Variants in DNAH11 observed in about 807,000 individuals in gnomAD.
The protein encoded by DNAH11 is axonemal beta dynein heavy chain 11.
A neutral mutation model predicts 526.0 loss-of-function variants in DNAH11; 442 were observed. That is an observed-to-expected ratio of 0.84 (90% CI 0.78 to 0.91). DNAH11 has a LOEUF of 0.91. Ranked by LOEUF, DNAH11 falls within the 40% of genes least tolerant of loss-of-function variation. The pLI is 0.00. For synonymous variants in DNAH11, 2,461 were observed against 1,935.9 expected (o/e 1.27, Z -7.12); for missense variants, 6,989 against 5,448.7 (o/e 1.28, Z -8.90).
In DNAH11 at chr7:21,581,811, G is replaced by A. The variant is rs1784317673; in HGVS notation, c.1594-94G>A. The A allele has an allele frequency of 6.7e-6, 5 of 751,426 alleles. No homozygotes were observed. In the South Asian group the frequency reaches 6.8e-5, roughly 10 times the overall value. The allele number at this position is 751,426 out of a possible 1,614,324, so 46.5% of individuals were successfully genotyped here. A position where few individuals can be genotyped will look rare whatever the true frequency, so the allele number is the denominator to read the frequency against. ...ATTCACTCAGAGACAGAGAGCGAGC[G>A]AGAGAGAGCTAAAGTAAGGTCACGC... On this transcript the variant is annotated intron_variant, in intron 8 of 81. Coordinates refer to ENST00000409508, the MANE Select transcript of DNAH11 (RefSeq NM_001277115.2).
intron 25 of DNAH11, among the ~76,000 whole-genome samples, chr7:21,630,589 G>C (rs1786557928): frequency 6.6e-6 from 1 of 152,204 alleles, no homozygotes; most frequent in African/African-American, 2.4e-5. Flanking sequence ...GCTGGACACA[G>C]TATTCTTGGT....
chr7:21,578,671 C>T (rs965426712), intron 8 of DNAH11, among the ~76,000 whole-genome samples: 10 of 152,216 alleles, frequency 6.6e-5, no homozygotes, highest in African/African-American at 2.4e-4. Context: ...TCCATGAGAG[C>T]TGTGCTCCTG....
intron 66 of DNAH11, among the ~76,000 whole-genome samples, chr7:21,845,342 T>C (rs1782379006): frequency 6.6e-6 from 1 of 152,210 alleles, no homozygotes; most frequent in Non-Finnish European, 1.5e-5. Flanking sequence ...GTAGTTTTGG[T>C]TCTTACATTT....
intron 43 of DNAH11, among the ~76,000 whole-genome samples, chr7:21,718,963 T>C (rs1392347329): frequency 6.6e-6 from 1 of 152,246 alleles, no homozygotes; most frequent in Non-Finnish European, 1.5e-5. Context: ...TCATTATGAA[T>C]TAATTATGTA....
intron 66 of DNAH11, among the ~76,000 whole-genome samples, chr7:21,848,840 C>T (rs866133574): frequency 1.3e-5 from 2 of 151,918 alleles, no homozygotes; most frequent in South Asian, 2.1e-4. Context: ...TTAGTGGTTA[C>T]CTTAGCATTT....
Position 21,614,725 on chromosome 7 carries a change from T to C in DNAH11, c.3853-389T>C, listed in dbSNP as rs186364797. On this transcript the variant is annotated intron_variant, in intron 20 of 81. Coordinates refer to ENST00000409508, the MANE Select transcript of DNAH11 (RefSeq NM_001277115.2). ...TTTAAATCTGAAAGTTTTAATAAAC[T>C]AAGTCATTACTTAAAATATAATTCA... 2.6e-5 allele frequency among the ~76,000 whole-genome samples: 4 copies of C among 152,346 alleles called. No homozygotes were observed. The East Asian group carries it at 5.8e-4, about 22-fold the overall frequency.
chr7:21,901,438 G>A lies in DNAH11; in HGVS notation c.*184G>A, dbSNP rs1480554886. 1.3e-6 allele frequency: 1 copy of A among 791,238 alleles called. No homozygotes were observed. The highest frequency in any genetic ancestry group is 1.8e-6 in the Non-Finnish European group (1 of 570,318). 49.0% of individuals were successfully genotyped at this position (791,238 alleles called of 1,614,324 possible). ...TAGAAACTAACTCAGGGCTGAGCGTGGTGGCACACGACTGTAATCCCAGTT... is the reference window on the plus strand; with the variant it reads ...TAGAAACTAACTCAGGGCTGAGCGTAGTGGCACACGACTGTAATCCCAGTT... On this transcript the variant is annotated 3_prime_UTR_variant, in exon 82 of 82. Coordinates refer to ENST00000409508, the MANE Select transcript of DNAH11 (RefSeq NM_001277115.2).
At chr7:21,867,785 T>C in intron 71 of DNAH11, 74 bp from the exon 72 acceptor site, 1 of 1,439,796 alleles carries the variant, frequency 6.9e-7, no homozygotes, top group Non-Finnish European at 9.6e-7. Context: ...CTGTGTGGTT[T>C]AAGCTTATCC....
intron 24 of DNAH11, 102 bp downstream of exon 24, chr7:21,619,324 G>A: frequency 1.5e-6 from 2 of 1,367,086 alleles, no homozygotes; most frequent in South Asian, 2.9e-5. Flanking sequence ...GGAGCCTGGA[G>A]AGATGAGTCC....
chr7:21,623,615 C>A (rs62447789), intron 25 of DNAH11, among the ~76,000 whole-genome samples: 3,218 of 151,992 alleles, frequency 0.021, 50 homozygotes, highest in African/African-American at 0.03. Flanking sequence ...CACATATACA[C>A]CATGGAATAC....
chr7:21,683,743 C>G (rs1369372307), intron 31 of DNAH11, 41 bp from the exon 32 acceptor site: 1 of 1,491,182 alleles, frequency 6.7e-7, no homozygotes, highest in Non-Finnish European at 8.9e-7. Context: ...TTGCCCCAAA[C>G]TACCAGTGTC....
intron 55 of DNAH11, among the ~76,000 whole-genome samples, 171 bp from the exon 56 acceptor site, chr7:21,773,595 A>G (rs1036857792): frequency 6.6e-6 from 1 of 152,166 alleles, no homozygotes; most frequent in Non-Finnish European, 1.5e-5. Context: ...GCTTTATTGT[A>G]ATCTCCCAAA....
intron 44 of DNAH11, among the ~76,000 whole-genome samples, chr7:21,724,233 A>C (rs752214849): frequency 6.6e-6 from 1 of 152,248 alleles, no homozygotes; most frequent in African/African-American, 2.4e-5. Context: ...CTCAAGACCA[A>C]CTTTTGTAGG....
At chr7:21,658,372 G>A (rs966583539) in intron 29 of DNAH11, among the ~76,000 whole-genome samples, 3 of 152,050 alleles carry the variant, frequency 2.0e-5, no homozygotes, top group Non-Finnish European at 4.4e-5. Context: ...AAATTTAACT[G>A]AATTTTTATT....
At chr7:21,696,718 C>T (rs749108035) in intron 35 of DNAH11, among the ~76,000 whole-genome samples, 1 of 152,010 alleles carries the variant, frequency 6.6e-6, no homozygotes, top group African/African-American at 2.4e-5. Context: ...ATTCTGATTC[C>T]ACCACTCACC....
Position 21,559,594 on chromosome 7 carries a change from T to C in DNAH11, c.693-9T>C, listed in dbSNP as rs72655973. The C allele has an allele frequency of 8.7e-4, 1,380 of 1,584,396 alleles. 19 individuals carry two copies. The African/African-American group carries it at 0.017, about 19-fold the overall frequency. On this transcript the variant is annotated splice_polypyrimidine_tract_variant and intron_variant, in intron 3 of 81. Coordinates refer to ENST00000409508, the MANE Select transcript of DNAH11 (RefSeq NM_001277115.2). ...TCTTTGAATTATTTTATTATCTTAA[T>C]GTTTGTAGGCCACCGTCAAACGAAA...
chr7:21,791,399 A>G (rs1788473621), intron 61 of DNAH11, among the ~76,000 whole-genome samples: 1 of 152,198 alleles, frequency 6.6e-6, no homozygotes, highest in Non-Finnish European at 1.5e-5. Context: ...CAAGGACTAG[A>G]TATATGATCC....
At chr7:21,644,421 G>A (rs1787257852) in intron 28 of DNAH11, among the ~76,000 whole-genome samples, 4 of 152,066 alleles carry the variant, frequency 2.6e-5, no homozygotes, top group Admixed American at 2.6e-4. Flanking sequence ...AAAATTAATA[G>A]GAAAAAGACT....
chr7:21,558,934 A>G lies in DNAH11; in HGVS notation c.628A>G (p.Thr210Ala). ...YIFRGKMSRR[T>A]LLPIPTVAGK... is the part of the protein sequence containing the mutation. ...TTTTAGGGGCAAAATGTCTAGAAGA[A>G]CTCTTCTACCAATTCCCACTGTTGC... is the stretch of plus-strand genomic sequence containing the variant. The change falls in exon 3 of 82, where the codon ACT (threonine) becomes GCT (alanine). Residue 210 changes from threonine (T) to alanine (A), a missense_variant. Physicochemically the swap from Thr to Ala is moderately conservative, Grantham distance 58 (BLOSUM62 0). Transcript: ENST00000409508. 6.3e-7 allele frequency: 1 copy of G among 1,597,320 alleles called. No individual in the cohort carries two copies. The highest frequency in any genetic ancestry group is 8.5e-7 in the Non-Finnish European group (1 of 1,171,054).
Sources: gnomAD v4.1 joint callset for allele counts (sites outside exome capture counted in the v4.1 genomes callset) on GRCh38, gnomAD v4.1.1 for gene constraint, MANE v1.5 for transcripts, NCBI Gene and HGNC (gene_info 2026-07-23, HGNC 2026-07-21) for gene names.